ZFAT: variants seen among roughly 807,000 people sequenced by gnomAD.
ZFAT encodes zinc finger protein ZFAT.
A neutral mutation model predicts 117.7 loss-of-function variants in ZFAT; 64 were observed. The ratio of observed to expected loss-of-function variants is 0.54; its 90% CI spans 0.44 to 0.67. The LOEUF (loss-of-function observed/expected upper bound fraction) is 0.67, where lower values mean the gene tolerates loss of function less well. Among genes scored for constraint, ZFAT ranks in the 30% least tolerant of loss-of-function variants. ZFAT has a pLI of 0.00. For synonymous variants in ZFAT, 679 were observed against 615.0 expected (o/e 1.10, Z -1.54); for missense variants, 1,433 against 1,584.5 (o/e 0.90, Z 1.62).
chr8:134,813,355 G>GACC, the ZFAT span, among the ~76,000 whole-genome samples: 1 of 152,148 alleles, frequency 6.6e-6, no homozygotes, highest in African/African-American at 2.4e-5. Context: ...ATCCTCATGT[G>GACC]ACCAAAGAGA....
chr8:134,524,652 C>A (rs899939365), intron 12 of ZFAT, among the ~76,000 whole-genome samples: 1 of 152,164 alleles, frequency 6.6e-6, no homozygotes, highest in African/African-American at 2.4e-5. Flanking sequence ...ACACACAGGA[C>A]AGCCCCCAAA....
chr8:134,671,213 A>G (rs867985891), intron 1 of ZFAT, among the ~76,000 whole-genome samples: 11 of 152,236 alleles, frequency 7.2e-5, no homozygotes, highest in African/African-American at 2.4e-4. Context: ...AAACTGTTCC[A>G]ATCAATAGAA....
At chr8:134,555,773 A>T (rs988794802) in intron 11 of ZFAT, among the ~76,000 whole-genome samples, 2 of 151,912 alleles carry the variant, frequency 1.3e-5, no homozygotes, top group African/African-American at 4.8e-5. Context: ...TTATTAAACA[A>T]AAACACTGAA....
chr8:134,573,796 T>C (rs529979608), intron 10 of ZFAT, among the ~76,000 whole-genome samples: 2 of 152,354 alleles, frequency 1.3e-5, no homozygotes, highest in East Asian at 3.9e-4. Flanking sequence ...TGGGACTGCA[T>C]GTCCATGACT....
chr8:134,512,349 C>T (rs1310725041), intron 14 of ZFAT, 126 bp downstream of exon 14: 1 of 1,419,630 alleles, frequency 7.0e-7, no homozygotes, highest in Non-Finnish European at 9.6e-7. Context: ...CTTCTGCAGT[C>T]TGAACGCTGG....
intron 1 of ZFAT, among the ~76,000 whole-genome samples, chr8:134,668,099 T>C (rs761018748): frequency 3.5e-4 from 53 of 152,086 alleles, no homozygotes; most frequent in Non-Finnish European, 6.6e-4. Flanking sequence ...TAGGTAAACA[T>C]AGCAGCCAGG....
rs369830500 is a variant in ZFAT, at chr8:134,662,147, C to T, written c.20-4410G>A. ...CTGGTTCATAGCTGGTGCCTTCTTG[C>T]TGTGTCCTCACATGGTGGAAGGGGC... On this transcript the variant is annotated intron_variant, in intron 1 of 15. Transcript: ENST00000377838. 2.2e-4 allele frequency among the ~76,000 whole-genome samples: 34 copies of T among 152,260 alleles called. No homozygotes were observed. The South Asian group carries it at 6.4e-3, about 29-fold the overall frequency.
the ZFAT span, among the ~76,000 whole-genome samples, chr8:134,744,727 C>CATT: frequency 0.018 from 1,842 of 103,510 alleles, 57 homozygotes; most frequent in African/African-American, 0.067. Flanking sequence ...GCCTACTCTC[C>CATT]TTTTTTTTTT....
chr8:134,683,684 C>A (rs1833177286), intron 1 of ZFAT, among the ~76,000 whole-genome samples: 1 of 151,982 alleles, frequency 6.6e-6, no homozygotes, highest in African/African-American at 2.4e-5. Context: ...GGCGGCTCCA[C>A]CAAGAGCCCC....
intron 5 of ZFAT, among the ~76,000 whole-genome samples, chr8:134,605,270 G>A (rs1409288375): frequency 6.6e-6 from 1 of 152,250 alleles, no homozygotes; most frequent in Non-Finnish European, 1.5e-5. Flanking sequence ...AATCCGGCCA[G>A]GCGCAGTGGC....
Position 134,697,358 on chromosome 8 carries a change from C to T in ZFAT, c.19+15487G>A, listed in dbSNP as rs189535678. On this transcript the variant is annotated intron_variant, in intron 1 of 15. Coordinates refer to ENST00000377838, the MANE Select transcript of ZFAT (RefSeq NM_020863.4). ...TGAACTCCTGACCTTGTGATCCGCC[C>T]GCCTCAGCCTCCCAAAGTGCTGGGA... Among the ~76,000 whole-genome samples, 720 of 151,676 alleles carry T rather than the reference C, an allele frequency of 4.7e-3. 7 individuals carry two copies. Among genetic ancestry groups the T allele is most frequent in the African/African-American group, 0.016 (671 of 41,432 alleles).
chr8:134,656,157 C>G (rs529537996), intron 2 of ZFAT, among the ~76,000 whole-genome samples: 1 of 152,276 alleles, frequency 6.6e-6, no homozygotes, highest in East Asian at 1.9e-4. Context: ...AGGGAGGGCG[C>G]TGAACTGCAA....
intron 11 of ZFAT, among the ~76,000 whole-genome samples, chr8:134,559,100 C>T (rs955661018): frequency 4.6e-5 from 7 of 152,136 alleles, no homozygotes; most frequent in East Asian, 1.9e-4. Context: ...TTATTTACTA[C>T]GTTGCTGTTT....
rs1819660630 is a variant in ZFAT at position 134,509,630 on chromosome 8, C to CATG, written c.3480_3481insCAT (p.Thr1160_Val1161insHis). On this transcript the variant is annotated inframe_insertion, in exon 15 of 16. Coordinates refer to ENST00000377838, the MANE Select transcript of ZFAT (RefSeq NM_020863.4). ...AGGAGGGTCCCTACCTGCTTAACCA[C>CATG]AGTCACCGTCCCTGGTGCCATGGCA... 1 of 1,613,582 alleles carries CATG rather than the reference C, an allele frequency of 6.2e-7. No homozygotes were observed. Among genetic ancestry groups the CATG allele is most frequent in the Admixed American group, 1.7e-5 (1 of 60,020 alleles).
chr8:134,694,333 G>A (rs951493200), intron 1 of ZFAT, among the ~76,000 whole-genome samples: 2 of 152,132 alleles, frequency 1.3e-5, no homozygotes, highest in African/African-American at 4.8e-5. Context: ...TTGTGTTTAG[G>A]AAATAAACAC....
intron 15 of ZFAT, among the ~76,000 whole-genome samples, chr8:134,499,464 C>T (rs1274434689): frequency 1.0e-4 from 15 of 144,950 alleles, no homozygotes; most frequent in East Asian, 2.1e-4. Flanking sequence ...GGGATGCCCC[C>T]GTTGCTGGTT....
the ZFAT span, among the ~76,000 whole-genome samples, chr8:134,755,262 A>AG: frequency 6.6e-6 from 1 of 151,386 alleles, no homozygotes; most frequent in Non-Finnish European, 1.5e-5. Context: ...AAAAAAAAAA[A>AG]AAATGCCGGG....
intron 2 of ZFAT, among the ~76,000 whole-genome samples, chr8:134,644,869 C>T (rs1320488630): frequency 1.3e-5 from 2 of 152,048 alleles, no homozygotes; most frequent in Non-Finnish European, 1.5e-5. Flanking sequence ...TACACAATCA[C>T]ACAACGTGCA....
intron 1 of ZFAT, among the ~76,000 whole-genome samples, chr8:134,682,346 G>C (rs1833108972): frequency 6.6e-6 from 1 of 152,220 alleles, no homozygotes; most frequent in South Asian, 2.1e-4. Flanking sequence ...GCTGCCTCCT[G>C]ATCTTAGAGA....
Sources: allele counts gnomAD v4.1 joint callset (sites outside exome capture counted in the v4.1 genomes callset), GRCh38; gene constraint gnomAD v4.1.1; transcripts MANE v1.5; gene names NCBI Gene and HGNC (gene_info 2026-07-23, HGNC 2026-07-21).